PRKCQ: variants seen among roughly 807,000 people sequenced by gnomAD.
PRKCQ encodes protein kinase C theta type.
A neutral mutation model predicts 91.2 loss-of-function variants in PRKCQ; 41 were observed. The observed-to-expected ratio is 0.45, with a 90% CI of 0.35 to 0.58. The LOEUF is 0.58. PRKCQ is among the 20% of genes least tolerant of loss of function. PRKCQ has a pLI of 0.00. For synonymous variants in PRKCQ, 307 were observed against 316.9 expected, an observed-to-expected ratio of 0.97 and a Z score of 0.33; for missense variants, 673 against 896.5, an observed-to-expected ratio of 0.75 and a Z score of 3.18.
At chr10:6,476,558 CATTCTGT>C (rs1187717191) in intron 12 of PRKCQ, among the ~76,000 whole-genome samples, 1 of 152,154 alleles carries the variant, frequency 6.6e-6, no homozygotes, top group African/African-American at 2.4e-5. Context: ...TCATAAACAA[CATTCTGT>C]ATTGATGTTT....
chr10:6,449,612 A>G (rs941164511), intron 15 of PRKCQ, among the ~76,000 whole-genome samples: 4 of 151,948 alleles, frequency 2.6e-5, no homozygotes, highest in Non-Finnish European at 4.4e-5. Context: ...GAGAAGAGCG[A>G]CTCCAAGACA....
intron 1 of PRKCQ, among the ~76,000 whole-genome samples, chr10:6,535,252 C>T (rs533755227): frequency 1.3e-5 from 2 of 152,120 alleles, no homozygotes; most frequent in African/African-American, 4.8e-5. Flanking sequence ...CACCTAATAC[C>T]AACTTATCAG....
intron 13 of PRKCQ, among the ~76,000 whole-genome samples, chr10:6,462,995 ACT>A (rs1427928929): frequency 7.4e-6 from 1 of 136,052 alleles, no homozygotes; most frequent in African/African-American, 2.8e-5. Flanking sequence ...ACAGAGCAAG[ACT>A]CTGACTCAAA....
intron 1 of PRKCQ, among the ~76,000 whole-genome samples, chr10:6,561,787 G>A (rs909230529): frequency 6.6e-5 from 10 of 152,246 alleles, no homozygotes; most frequent in East Asian, 1.9e-4. Context: ...AGTGACAGTC[G>A]TCAGTACGTA....
Position 6,491,674 on chromosome 10 carries a change from T to C in PRKCQ, c.790+9A>G. The C allele has an allele frequency of 6.2e-7, 1 of 1,614,116 alleles. No individual in the cohort carries two copies. The highest frequency in any genetic ancestry group is 8.5e-7 in the Non-Finnish European group (1 of 1,179,982). On this transcript the variant is annotated intron_variant, in intron 8 of 17. Coordinates refer to ENST00000263125, the MANE Select transcript of PRKCQ (RefSeq NM_006257.5). ...ACGTCGGGCCATGCTCATCCCCCAC[T>C]GGACTCACCATCACACTTGAGTCCT...
At chr10:6,395,054 GTCTTTT>G in the PRKCQ span, among the ~76,000 whole-genome samples, 3 of 129,972 alleles carry the variant, frequency 2.3e-5, no homozygotes, top group Non-Finnish European at 3.2e-5. Context: ...GGAAGCTGGA[GTCTTTT>G]TTTTTTTTTT....
At chr10:6,575,411 T>G (rs1160953537) in intron 1 of PRKCQ, among the ~76,000 whole-genome samples, 1 of 152,232 alleles carries the variant, frequency 6.6e-6, no homozygotes, top group Non-Finnish European at 1.5e-5. Context: ...TTATTAACAC[T>G]GATGCCATGT....
At chr10:6,412,329 ATCC>A in the PRKCQ span, among the ~76,000 whole-genome samples, 1 of 152,264 alleles carries the variant, frequency 6.6e-6, no homozygotes, top group African/African-American at 2.4e-5. Flanking sequence ...GAAATTTATC[ATCC>A]TCAAATCAGT....
At chr10:6,491,056 G>C (rs1035644389) in intron 8 of PRKCQ, among the ~76,000 whole-genome samples, 2 of 152,190 alleles carry the variant, frequency 1.3e-5, no homozygotes, top group Admixed American at 6.5e-5. Context: ...GGCAGGTTAG[G>C]CTCTGCTGCG....
At chr10:6,459,043 G>C (rs934040555) in intron 14 of PRKCQ, among the ~76,000 whole-genome samples, 4 of 152,138 alleles carry the variant, frequency 2.6e-5, no homozygotes, top group African/African-American at 4.8e-5. Context: ...ACCAACAGCA[G>C]CCTTGCCCCT....
the PRKCQ span, among the ~76,000 whole-genome samples, chr10:6,404,865 C>A: frequency 7.3e-6 from 1 of 137,070 alleles, no homozygotes; most frequent in East Asian, 2.2e-4. Context: ...CTTTCTCTTC[C>A]TTCCTTTCTT....
At chr10:6,451,521 C>T (rs1285241760) in intron 15 of PRKCQ, among the ~76,000 whole-genome samples, 1 of 152,160 alleles carries the variant, frequency 6.6e-6, no homozygotes, top group Non-Finnish European at 1.5e-5. Flanking sequence ...GGTACCATTC[C>T]TTCTGAAACT....
At chr10:6,404,253 GGGGA>G in the PRKCQ span, among the ~76,000 whole-genome samples, 1 of 12,406 alleles carries the variant, frequency 8.1e-5, no homozygotes, top group East Asian at 0.016. Context: ...GAGAAGGGGG[GGGGA>G]GAGAGAGAGA....
chr10:6,485,853 A>C (rs1836880939), intron 9 of PRKCQ, among the ~76,000 whole-genome samples, 182 bp downstream of exon 9: 1 of 152,400 alleles, frequency 6.6e-6, no homozygotes, highest in South Asian at 2.1e-4. Context: ...ATACAAATGC[A>C]TTAAATAAAT....
chr10:6,580,285 A>AGGG (rs1564405599), upstream of PRKCQ: 3 of 34,612 alleles, frequency 8.7e-5, no homozygotes, highest in African/African-American at 2.2e-4. Context: ...CTGCGCGGGG[A>AGGG]CTGGCGGGGC....
chr10:6,466,992 A>G, intron 12 of PRKCQ, among the ~76,000 whole-genome samples: 1 of 152,126 alleles, frequency 6.6e-6, no homozygotes, highest in East Asian at 1.9e-4. Flanking sequence ...TGGGGTAGTA[A>G]TACTCCTACC....
intron 1 of PRKCQ, among the ~76,000 whole-genome samples, chr10:6,553,642 ACT>A (rs1013356449): frequency 1.3e-5 from 2 of 151,566 alleles, no homozygotes; most frequent in Non-Finnish European, 2.9e-5. Flanking sequence ...CTTTCTTATA[ACT>A]CATGCTGCTG....
chr10:6,558,550 G>A (rs1588423058), intron 1 of PRKCQ, among the ~76,000 whole-genome samples: 2 of 152,134 alleles, frequency 1.3e-5, no homozygotes, highest in African/African-American at 4.8e-5. Flanking sequence ...TAAGCTGATG[G>A]TTTAGCAAGC....
chr10:6,534,590 T>C (rs983576833), intron 1 of PRKCQ, among the ~76,000 whole-genome samples: 3 of 151,988 alleles, frequency 2.0e-5, no homozygotes, highest in African/African-American at 7.2e-5. Context: ...CTTACAAGAC[T>C]GTTCATTGCA....
Sources: gnomAD v4.1 joint callset for allele counts (sites outside exome capture counted in the v4.1 genomes callset) on GRCh38, gnomAD v4.1.1 for gene constraint, MANE v1.5 for transcripts, NCBI Gene and HGNC (gene_info 2026-07-23, HGNC 2026-07-21) for gene names.